ATXN7L1: variants seen among roughly 807,000 people sequenced by gnomAD.
ATXN7L1 encodes ataxin 7 like 1.
A neutral mutation model predicts 70.8 loss-of-function variants in ATXN7L1; 15 were observed. The ratio of observed to expected loss-of-function variants is 0.21; its 90% CI spans 0.14 to 0.33. The LOEUF (loss-of-function observed/expected upper bound fraction) is 0.33. ATXN7L1 is among the 10% of genes least tolerant of loss of function. ATXN7L1 has a pLI of 1.00. For missense variants in ATXN7L1, 975 were observed against 1,097.1 expected (o/e 0.89, Z 1.57); for synonymous variants, 440 against 445.1 (o/e 0.99, Z 0.14).
At chr7:105,674,294 T>C (rs950469273) in intron 3 of ATXN7L1, among the ~76,000 whole-genome samples, 7 of 152,164 alleles carry the variant, frequency 4.6e-5, no homozygotes, top group Admixed American at 1.3e-4. Flanking sequence ...TTCTTCGTCA[T>C]CTGGTCACCC....
Position 105,860,907 on chromosome 7 carries a change from C to T in ATXN7L1, c.250+14905G>A, listed in dbSNP as rs539925713. Among the ~76,000 whole-genome samples the T allele has an allele frequency of 1.4e-4, 21 of 152,332 alleles. No homozygotes were observed. The South Asian group carries it at 2.9e-3, about 21-fold the overall frequency. ...CTAATGCAGCTATGATGACAAGACA[C>T]ATGTGGACCATGGGAAGAGTCTGCA... On this transcript the variant is annotated intron_variant, in intron 2 of 11. Coordinates refer to ENST00000419735, the MANE Select transcript of ATXN7L1 (RefSeq NM_020725.2).
At chr7:105,763,156 G>T (rs1276222655) in intron 3 of ATXN7L1, among the ~76,000 whole-genome samples, 3 of 152,196 alleles carry the variant, frequency 2.0e-5, no homozygotes, top group African/African-American at 7.2e-5. Context: ...TTGTTATGCG[G>T]CAACAGGTTA....
chr7:105,672,513 T>C (rs561935724), intron 3 of ATXN7L1, among the ~76,000 whole-genome samples: 47 of 152,354 alleles, frequency 3.1e-4, no homozygotes, highest in Admixed American at 5.2e-4. Flanking sequence ...GACCTACTAT[T>C]TGTCTTTTAA....
intron 3 of ATXN7L1, among the ~76,000 whole-genome samples, chr7:105,774,163 A>G (rs1303781040): frequency 1.3e-5 from 2 of 152,152 alleles, no homozygotes. Flanking sequence ...TTGTTGTAAG[A>G]ATATGACAAA....
At chr7:105,782,687 T>C (rs1292410320) in intron 3 of ATXN7L1, among the ~76,000 whole-genome samples, 2 of 152,226 alleles carry the variant, frequency 1.3e-5, no homozygotes, top group Admixed American at 6.5e-5. Context: ...CGCAGAGAGA[T>C]ACTGGAGCTT....
intron 2 of ATXN7L1, among the ~76,000 whole-genome samples, chr7:105,824,859 G>T (rs1810637395): frequency 1.3e-5 from 2 of 150,362 alleles, no homozygotes; most frequent in Middle Eastern, 3.2e-3. Flanking sequence ...GGCTTGCAGT[G>T]AGCTGAGAGC....
At chr7:105,760,057 C>T (rs1260702138) in intron 3 of ATXN7L1, 1 of 367,094 alleles carries the variant, frequency 2.7e-6, no homozygotes, top group African/African-American at 2.2e-5. Context: ...GATGAATCAA[C>T]AAGCCTCCTC....
intron 2 of ATXN7L1, among the ~76,000 whole-genome samples, chr7:105,870,089 G>A (rs145906026): frequency 0.029 from 4,384 of 152,148 alleles, 209 homozygotes; most frequent in African/African-American, 0.099. Flanking sequence ...AGACCATACT[G>A]GTTAACACGG....
At chr7:105,709,033 A>G (rs1182612515) in intron 3 of ATXN7L1, among the ~76,000 whole-genome samples, 1 of 152,182 alleles carries the variant, frequency 6.6e-6, no homozygotes, top group Non-Finnish European at 1.5e-5. Context: ...CATGCCTTTT[A>G]AAATTTTTTC....
intron 3 of ATXN7L1, among the ~76,000 whole-genome samples, chr7:105,751,569 G>A (rs1386216033): frequency 1.3e-5 from 2 of 152,066 alleles, no homozygotes; most frequent in African/African-American, 2.4e-5. Flanking sequence ...CCAGGAAGTC[G>A]AAGCTGCAGT....
chr7:105,872,410 A>G (rs191115925), intron 2 of ATXN7L1, among the ~76,000 whole-genome samples: 1 of 152,344 alleles, frequency 6.6e-6, no homozygotes, highest in Admixed American at 6.5e-5. Flanking sequence ...CAAAATATGG[A>G]AACAACCCAA....
At chr7:105,760,646 C>T (rs1441589469) in intron 3 of ATXN7L1, 1 of 769,576 alleles carries the variant, frequency 1.3e-6, no homozygotes, top group African/African-American at 1.9e-5. Context: ...AGACATTAAA[C>T]ATTTCTGTTC....
intron 3 of ATXN7L1, among the ~76,000 whole-genome samples, chr7:105,690,434 T>C (rs1291489530): frequency 6.6e-6 from 1 of 152,190 alleles, no homozygotes; most frequent in East Asian, 1.9e-4. Flanking sequence ...AAATTTCCGT[T>C]TTCACTGTCC....
At chr7:105,711,870 C>G (rs1793962128) in intron 3 of ATXN7L1, among the ~76,000 whole-genome samples, 1 of 152,266 alleles carries the variant, frequency 6.6e-6, no homozygotes, top group African/African-American at 2.4e-5. Flanking sequence ...CCACATTTCA[C>G]CTCTGCACTG....
chr7:105,721,352 G>A (rs1044701845), intron 3 of ATXN7L1, among the ~76,000 whole-genome samples: 10 of 152,208 alleles, frequency 6.6e-5, no homozygotes, highest in South Asian at 6.2e-4. Flanking sequence ...AAAATAAAGG[G>A]TTGGGTGGGG....
intron 3 of ATXN7L1, among the ~76,000 whole-genome samples, chr7:105,673,747 C>A (rs971909668): frequency 1.3e-5 from 2 of 152,202 alleles, no homozygotes; most frequent in Non-Finnish European, 2.9e-5. Context: ...GTAACGATTC[C>A]CCCCAGCTGT....
chr7:105,741,878 G>C (rs1798057625), intron 3 of ATXN7L1, among the ~76,000 whole-genome samples: 1 of 152,152 alleles, frequency 6.6e-6, no homozygotes, highest in Admixed American at 6.5e-5. Context: ...TACAAGCCAA[G>C]GAATGCCCAA....
chr7:105,671,517 C>A (rs1412101813), intron 3 of ATXN7L1, among the ~76,000 whole-genome samples: 4 of 152,152 alleles, frequency 2.6e-5, no homozygotes, highest in African/African-American at 9.7e-5. Context: ...GTATTCAATA[C>A]ATCAATAACA....
intron 2 of ATXN7L1, among the ~76,000 whole-genome samples, chr7:105,851,812 G>A (rs968613307): frequency 3.9e-5 from 6 of 152,102 alleles, no homozygotes; most frequent in Non-Finnish European, 5.9e-5. Context: ...CACAAAACAC[G>A]CCCTCACACC....
Sources: allele counts gnomAD v4.1 joint callset (sites outside exome capture counted in the v4.1 genomes callset), GRCh38; gene constraint gnomAD v4.1.1; transcripts MANE v1.5; gene names NCBI Gene and HGNC (gene_info 2026-07-23, HGNC 2026-07-21).